SSTR1: variants seen among roughly 807,000 people sequenced by gnomAD.
SSTR1 encodes the protein somatostatin receptor type 1.
A neutral mutation model predicts 20.7 loss-of-function variants in SSTR1; 10 were observed. That is an observed-to-expected ratio of 0.48 (90% CI 0.30 to 0.82). The LOEUF (loss-of-function observed/expected upper bound fraction) is 0.82, where lower values mean the gene tolerates loss of function less well. SSTR1 is among the 40% of genes least tolerant of loss of function. SSTR1 has a pLI of 0.07. For synonymous variants in SSTR1, 267 were observed against 227.8 expected, an observed-to-expected ratio of 1.17 and a Z score of -1.55; for missense variants, 494 against 540.0, an observed-to-expected ratio of 0.91 and a Z score of 0.84.
At position 38,210,595 on chromosome 14, in the gene SSTR1, G is replaced by C. The variant is rs1380558738; in HGVS notation, c.*30G>C. On this transcript the variant is annotated 3_prime_UTR_variant, in exon 3 of 3. Coordinates refer to ENST00000267377, the MANE Select transcript of SSTR1 (RefSeq NM_001049.3). ...GGGCCACGCAGGGGCTCTGAGCCCGGGCCACGCAGGGGCCCTGAGCCAAAA... is the reference window on the plus strand; with the variant it reads ...GGGCCACGCAGGGGCTCTGAGCCCGCGCCACGCAGGGGCCCTGAGCCAAAA... The C allele has an allele frequency of 1.3e-6, 2 of 1,537,204 alleles. No homozygotes were observed. Among genetic ancestry groups the C allele is most frequent in the Non-Finnish European group, 1.7e-6 (2 of 1,146,710 alleles).
Position 38,209,479 on chromosome 14 carries a change from C to A in SSTR1, c.90C>A (p.Pro30=), listed in dbSNP as rs202072014. 3 of 1,565,702 alleles carry A rather than the reference C, an allele frequency of 1.9e-6. No individual in the cohort carries two copies. Among genetic ancestry groups the A allele is most frequent in the Non-Finnish European group, 2.6e-6 (3 of 1,155,754 alleles). ...SCGEGGGSRG[P]GAGAADGMEE... The stretch of plus-strand genomic sequence containing the variant: ...GCGAAGGCGGCGGCAGCAGGGGCCC[C>A]GGGGCCGGCGCTGCGGACGGCATGG... The change falls in exon 3 of 3, where the codon CCC becomes CCA. Residue 30 remains proline, a synonymous_variant. Transcript: ENST00000267377.
In SSTR1 at chr14:38,210,527, C is replaced by A. The variant is rs1188642427; in HGVS notation, c.1138C>A (p.Arg380Ser). 1 of 1,582,112 alleles carries A rather than the reference C, an allele frequency of 6.3e-7. No individual in the cohort carries two copies. Among genetic ancestry groups the A allele is most frequent in the Non-Finnish European group, 8.6e-7 (1 of 1,164,228 alleles). Reference sequence around the variant, plus strand: ...GAACCTGGAGTCCGGCGGCGTCTTCCGTAATGGCACCTGCACGTCCCGGAT... The same window carrying A: ...GAACCTGGAGTCCGGCGGCGTCTTCAGTAATGGCACCTGCACGTCCCGGAT... ...PENLESGGVF[R>S]NGTCTSRITT... Residue 380 changes from arginine (R) to serine (S), a missense_variant, in exon 3 of 3, where the codon CGT becomes AGT. Coordinates refer to ENST00000267377, the MANE Select transcript of SSTR1 (RefSeq NM_001049.3).
chr14:38,209,649 C>G lies in SSTR1; in HGVS notation c.260C>G (p.Ala87Gly). Residue 87 changes from alanine to glycine, a missense_variant, in exon 3 of 3, where the codon GCC becomes GGC. Physicochemically the swap from Ala to Gly is moderately conservative, Grantham distance 60. Coordinates refer to ENST00000267377, the MANE Select transcript of SSTR1 (RefSeq NM_001049.3). ...SMVIYVILRY[A>G]KMKTATNIYI... ...GTCATCTACGTGATCCTGCGCTATG[C>G]CAAGATGAAGACGGCCACCAACATC... The G allele has an allele frequency of 6.2e-7, 1 of 1,613,582 alleles. No homozygotes were observed. Among genetic ancestry groups the G allele is most frequent in the Non-Finnish European group, 8.5e-7 (1 of 1,179,912 alleles).
chr14:38,210,547 C>A lies in SSTR1; in HGVS notation c.1158C>A (p.Ser386=), dbSNP rs148595028. The A allele has an allele frequency of 7.1e-7, 1 of 1,399,822 alleles. No individual in the cohort carries two copies. The highest frequency in any genetic ancestry group is 9.8e-7 in the Non-Finnish European group (1 of 1,025,626). 86.7% of individuals were successfully genotyped at this position (1,399,822 alleles called of 1,614,324 possible). A position where few individuals can be genotyped will look rare whatever the true frequency, so the allele number is the denominator to read the frequency against. ...GGVFRNGTCT[S]RITTL The stretch of plus-strand genomic sequence containing the variant: ...TCTTCCGTAATGGCACCTGCACGTC[C>A]CGGATCACGACGCTCTGAGCCCGGG... The change falls in exon 3 of 3, where the codon TCC becomes TCA. Residue 386 remains serine (S), a synonymous_variant. Transcript: ENST00000267377.
chr14:38,209,718 G>C lies in SSTR1; in HGVS notation c.329G>C (p.Ser110Thr). 4 of 1,614,092 alleles carry C rather than the reference G, an allele frequency of 2.5e-6. No homozygotes were observed. The highest frequency in any genetic ancestry group is 3.4e-6 in the Non-Finnish European group (4 of 1,180,030). The change falls in exon 3 of 3, where the codon AGC becomes ACC. Residue 110 changes from serine (S) to threonine (T), a missense_variant. This residue lies in a region of SSTR1 where 116 missense variants were observed against 174.6 expected (regional missense o/e 0.66). Transcript: ENST00000267377. ...LAIADELLML[S>T]VPFLVTSTLL... Reference sequence around the variant, plus strand: ...ATTGCTGATGAGCTGCTCATGCTCAGCGTGCCCTTCCTAGTCACCTCCACG... The same window carrying C: ...ATTGCTGATGAGCTGCTCATGCTCACCGTGCCCTTCCTAGTCACCTCCACG...
Position 38,210,232 on chromosome 14 carries a change from C to A in SSTR1, c.843C>A (p.Val281=). The A allele has an allele frequency of 6.2e-7, 1 of 1,614,218 alleles. No homozygotes were observed. Among genetic ancestry groups the A allele is most frequent in the Non-Finnish European group, 8.5e-7 (1 of 1,180,038 alleles). The stretch of plus-strand genomic sequence containing the variant: ...TGATGATGGTGGTGATGGTGTTTGT[C>A]ATCTGCTGGATGCCTTTCTACGTGG... ...LMVMMVVMVF[V]ICWMPFYVVQ... The change falls in exon 3 of 3, where the codon GTC becomes GTA. Residue 281 remains valine (V), a synonymous_variant. Coordinates refer to ENST00000267377, the MANE Select transcript of SSTR1 (RefSeq NM_001049.3).
At position 38,210,377 on chromosome 14, in the gene SSTR1, T is replaced by A; in HGVS notation, c.988T>A (p.Phe330Ile). ...PILYGFLSDN[F>I]KRSFQRILCL... ...CCTCTATGGCTTTCTCTCAGACAAC[T>A]TCAAGCGCTCTTTCCAACGCATCCT... The change falls in exon 3 of 3, where the codon TTC becomes ATC. Residue 330 changes from phenylalanine (F) to isoleucine (I), a missense_variant. Phe to Ile is a conservative substitution (Grantham distance 21). Around this residue, in one of 3 missense-constraint regions of SSTR1, gnomAD observed 280 missense variants for 286.1 expected, o/e 0.98. Coordinates refer to ENST00000267377, the MANE Select transcript of SSTR1 (RefSeq NM_001049.3). 2 of 1,614,224 alleles carry A rather than the reference T, an allele frequency of 1.2e-6. No homozygotes were observed. The highest frequency in any genetic ancestry group is 1.7e-6 in the Non-Finnish European group (2 of 1,180,040).
chr14:38,210,857 C>T lies in SSTR1; in HGVS notation c.*292C>T. On this transcript the variant is annotated 3_prime_UTR_variant, in exon 3 of 3. Transcript: ENST00000267377. ...TCCTCCACTGCGCTTACTCCTCTGACCCTCCTTCTATTTTCCCTACCCTGC... is the reference window on the plus strand; with the variant it reads ...TCCTCCACTGCGCTTACTCCTCTGATCCTCCTTCTATTTTCCCTACCCTGC... 2 of 509,014 alleles carry T rather than the reference C, an allele frequency of 3.9e-6. No homozygotes were observed. Among genetic ancestry groups the T allele is most frequent in the Non-Finnish European group, 3.3e-6 (1 of 304,476 alleles). The allele number at this position is 509,014 out of a possible 1,614,324, so 31.5% of individuals were successfully genotyped here. A position where few individuals can be genotyped will look rare whatever the true frequency, so the allele number is the denominator to read the frequency against.
chr14:38,212,320 G>T lies in SSTR1; in HGVS notation c.*1755G>T, dbSNP rs1489749230. The T allele has an allele frequency of 6.0e-6, 1 of 167,024 alleles. No individual in the cohort carries two copies. The highest frequency in any genetic ancestry group is 1.5e-5 in the Non-Finnish European group (1 of 68,118). 10.3% of individuals were successfully genotyped at this position (167,024 alleles called of 1,614,324 possible). On this transcript the variant is annotated 3_prime_UTR_variant, in exon 3 of 3. Transcript: ENST00000267377. The stretch of plus-strand genomic sequence containing the variant: ...ATGGTGACAGGTGTGAGTCTGGCTG[G>T]AACACTTTCAGTTTCAGGAGTGCAA...
Position 38,209,452 on chromosome 14 carries a change from C to T in SSTR1, c.63C>T (p.Cys21=). 6.4e-7 allele frequency: 1 copy of T among 1,552,324 alleles called. No individual in the cohort carries two copies. The change falls in exon 3 of 3, where the codon TGC becomes TGT. Residue 21 remains cysteine, a synonymous_variant. Transcript: ENST00000267377. ...CTCCTAGCCCCAGCCCGGGCAGCTGCGGCGAAGGCGGCGGCAGCAGGGGCC... is the reference window on the plus strand; with the variant it reads ...CTCCTAGCCCCAGCCCGGGCAGCTGTGGCGAAGGCGGCGGCAGCAGGGGCC... ...SSSPSPSPGS[C]GEGGGSRGPG...
chr14:38,208,707 A>G (rs4394988), intron 2 of SSTR1, 98 bp downstream of exon 2: 68,556 of 152,334 alleles, frequency 0.45, 15,791 homozygotes, highest in African/African-American at 0.54. Context: ...GACGGGAGAG[A>G]AGCTGGGGTC....
Position 38,210,628 on chromosome 14 carries a change from A to C in SSTR1, c.*63A>C. On this transcript the variant is annotated 3_prime_UTR_variant, in exon 3 of 3. Transcript: ENST00000267377. ...AGGGGCCCTGAGCCAAAAGAGGGGG[A>C]GAATGAGAAGGGAAGGCCGGGTGCG... 2 of 1,303,166 alleles carry C rather than the reference A, an allele frequency of 1.5e-6. No individual in the cohort carries two copies. The highest frequency in any genetic ancestry group is 2.0e-6 in the Non-Finnish European group (2 of 1,004,674). The allele number at this position is 1,303,166 out of a possible 1,614,324, so 80.7% of individuals were successfully genotyped here. A position where few individuals can be genotyped will look rare whatever the true frequency, so the allele number is the denominator to read the frequency against.
intron 2 of SSTR1, 80 bp from the exon 3 acceptor site, chr14:38,208,966 A>C: frequency 1.2e-5 from 2 of 163,622 alleles, no homozygotes; most frequent in Non-Finnish European, 2.6e-5. Flanking sequence ...AGGACTGGGA[A>C]GGAAAAAAAT....
In SSTR1 at chr14:38,210,591, C is replaced by T; in HGVS notation, c.*26C>T. 1 of 1,545,044 alleles carries T rather than the reference C, an allele frequency of 6.5e-7. No individual in the cohort carries two copies. Among genetic ancestry groups the T allele is most frequent in the South Asian group, 1.3e-5 (1 of 78,902 alleles). ...GCCCGGGCCACGCAGGGGCTCTGAGCCCGGGCCACGCAGGGGCCCTGAGCC... is the reference window on the plus strand; with the variant it reads ...GCCCGGGCCACGCAGGGGCTCTGAGTCCGGGCCACGCAGGGGCCCTGAGCC... On this transcript the variant is annotated 3_prime_UTR_variant, in exon 3 of 3. Coordinates refer to ENST00000267377, the MANE Select transcript of SSTR1 (RefSeq NM_001049.3).
Position 38,210,538 on chromosome 14 carries a change from C to T in SSTR1, c.1149C>T (p.Thr383=). 6.2e-7 allele frequency: 1 copy of T among 1,606,044 alleles called. No individual in the cohort carries two copies. Among genetic ancestry groups the T allele is most frequent in the Non-Finnish European group, 8.5e-7 (1 of 1,175,556 alleles). ...CCGGCGGCGTCTTCCGTAATGGCAC[C>T]TGCACGTCCCGGATCACGACGCTCT... ...LESGGVFRNG[T]CTSRITTL The change falls in exon 3 of 3, where the codon ACC becomes ACT. Residue 383 remains threonine (T), a synonymous_variant. Coordinates refer to ENST00000267377, the MANE Select transcript of SSTR1 (RefSeq NM_001049.3).
At position 38,209,485 on chromosome 14, in the gene SSTR1, C is replaced by G; in HGVS notation, c.96C>G (p.Ala32=). The change falls in exon 3 of 3, where the codon GCC becomes GCG. Residue 32 remains alanine, a synonymous_variant. Transcript: ENST00000267377. ...GEGGGSRGPG[A]GAADGMEEPG... is the part of the protein sequence containing the mutation. ...GCGGCGGCAGCAGGGGCCCCGGGGC[C>G]GGCGCTGCGGACGGCATGGAGGAGC... is the stretch of plus-strand genomic sequence containing the variant. 5.1e-6 allele frequency: 8 copies of G among 1,569,904 alleles called. No individual in the cohort carries two copies. The highest frequency in any genetic ancestry group is 6.9e-6 in the Non-Finnish European group (8 of 1,157,574).
Position 38,209,951 on chromosome 14 carries a change from G to T in SSTR1, c.562G>T (p.Val188Phe). Reference protein sequence around the residue: ...NLGVWVLSLLVILPIVVFSRT... With the variant: ...NLGVWVLSLLFILPIVVFSRT... Reference sequence around the variant, plus strand: ...GGGCGTGTGGGTGCTATCGCTGCTCGTCATCCTGCCCATCGTGGTCTTCTC... The same window carrying T: ...GGGCGTGTGGGTGCTATCGCTGCTCTTCATCCTGCCCATCGTGGTCTTCTC... Residue 188 changes from valine (V) to phenylalanine (F), a missense_variant, in exon 3 of 3, where the codon GTC (valine) becomes TTC (phenylalanine). Coordinates refer to ENST00000267377, the MANE Select transcript of SSTR1 (RefSeq NM_001049.3). The T allele has an allele frequency of 1.2e-6, 2 of 1,614,016 alleles. No individual in the cohort carries two copies. The highest frequency in any genetic ancestry group is 1.6e-4 in the Middle Eastern group (1 of 6,062).
chr14:38,209,368 C>A lies in SSTR1; in HGVS notation c.-22C>A. 1 of 1,466,786 alleles carries A rather than the reference C, an allele frequency of 6.8e-7. No homozygotes were observed. The highest frequency in any genetic ancestry group is 1.5e-5 in the South Asian group (1 of 68,848). 90.9% of individuals were successfully genotyped at this position (1,466,786 alleles called of 1,614,324 possible). A position where few individuals can be genotyped will look rare whatever the true frequency, so the allele number is the denominator to read the frequency against. ...GGAGAAAGCCCCAGCCCTGGCAGCC[C>A]CACTGGCCCCCCTCAGCTGGGATGT... is the stretch of plus-strand genomic sequence containing the variant. On this transcript the variant is annotated 5_prime_UTR_variant, in exon 3 of 3. Transcript: ENST00000267377.
rs908178711 is a variant in SSTR1, at chr14:38,209,587, C to T, written c.198C>T (p.Ser66=). The T allele has an allele frequency of 6.2e-7, 1 of 1,613,464 alleles. No individual in the cohort carries two copies. The highest frequency in any genetic ancestry group is 8.5e-7 in the Non-Finnish European group (1 of 1,179,672). ...CCATCCTGATCTCTTTCATCTACTCCGTGGTGTGCCTGGTGGGGCTGTGTG... is the reference window on the plus strand; with the variant it reads ...CCATCCTGATCTCTTTCATCTACTCTGTGGTGTGCCTGGTGGGGCTGTGTG... The part of the protein sequence containing the change: ...GSAILISFIY[S]VVCLVGLCGN... The change falls in exon 3 of 3, where the codon TCC becomes TCT. Residue 66 remains serine (S), a synonymous_variant. Coordinates refer to ENST00000267377, the MANE Select transcript of SSTR1 (RefSeq NM_001049.3).
Sources: allele counts gnomAD v4.1 joint callset, GRCh38; gene constraint gnomAD v4.1.1; regional missense constraint gnomAD v4.1.1; transcripts MANE v1.5; gene names NCBI Gene and HGNC (gene_info 2026-07-23, HGNC 2026-07-21).